The following ZNF589 variants were observed in gnomAD, a reference collection of about 807,000 sequenced individuals.
ZNF589 encodes the protein zinc finger protein 589.
Under a neutral mutation model 13.6 loss-of-function variants are expected in ZNF589, and 17 were observed. The ratio of observed to expected loss-of-function variants is 1.25; its 90% CI spans 0.86 to 1.88. The LOEUF is 1.88. Ranked by LOEUF, ZNF589 falls within the 40% of genes most tolerant of loss-of-function variation. The pLI is 0.00. For missense variants in ZNF589, 407 were observed against 434.0 expected, an observed-to-expected ratio of 0.94 and a Z score of 0.55; for synonymous variants, 148 against 161.6, an observed-to-expected ratio of 0.92 and a Z score of 0.64.
In ZNF589 at chr3:48,268,227, G is replaced by T. The variant is rs778327070; in HGVS notation, c.536G>T (p.Trp179Leu). The change falls in exon 4 of 4, where the codon TGG becomes TTG. Residue 179 changes from tryptophan (W) to leucine (L), a missense_variant. Physicochemically the swap from Trp to Leu is moderately conservative, Grantham distance 61 (BLOSUM62 -2). Coordinates refer to ENST00000354698, the MANE Select transcript of ZNF589 (RefSeq NM_016089.3). ...TTCCAGAGACCACCAATAAGCTCTTGGGGAGGCAACAGAATATTAGAGATA... is the reference window on the plus strand; with the variant it reads ...TTCCAGAGACCACCAATAAGCTCTTTGGGAGGCAACAGAATATTAGAGATA... ...SLFQRPPISS[W>L]GGNRILEIQL... 4.4e-6 allele frequency: 7 copies of T among 1,605,986 alleles called. No individual in the cohort carries two copies. The Admixed American group carries it at 1.2e-4, about 27-fold the overall frequency.
rs371763958 is a variant in ZNF589 at position 48,251,102 on chromosome 3, C to T, written c.96+3425C>T. Among the ~76,000 whole-genome samples, 87 of 152,214 alleles carry T rather than the reference C, an allele frequency of 5.7e-4. No homozygotes were observed. The Middle Eastern group carries it at 0.031, about 54-fold the overall frequency. ...TCTCCAAGACCACCAGTTCCATTCT[C>T]CCTGTGAATCTTAATGGTGACTTGA... is the stretch of plus-strand genomic sequence containing the variant. On this transcript the variant is annotated intron_variant, in intron 2 of 3. Transcript: ENST00000354698.
intron 3 of ZNF589, among the ~76,000 whole-genome samples, chr3:48,266,927 C>G (rs866639900): frequency 6.6e-6 from 1 of 152,094 alleles, no homozygotes; most frequent in Non-Finnish European, 1.5e-5. Context: ...ATGACCTATA[C>G]GGGAATGCTC....
chr3:48,247,473 C>A, intron 1 of ZNF589, 152 bp from the exon 2 acceptor site: 1 of 650,144 alleles, frequency 1.5e-6, no homozygotes, highest in Non-Finnish European at 2.7e-6. Context: ...GAGAAGTTGA[C>A]TCAAGCATAA....
At chr3:48,255,027 A>G (rs1387945084) in intron 2 of ZNF589, among the ~76,000 whole-genome samples, 1 of 152,128 alleles carries the variant, frequency 6.6e-6, no homozygotes, top group Non-Finnish European at 1.5e-5. Context: ...AGGAGTGGTG[A>G]GAGAAGACAT....
chr3:48,269,886 G>T lies in ZNF589; in HGVS notation c.*1100G>T, dbSNP rs972920083. 5 of 372,086 alleles carry T rather than the reference G, an allele frequency of 1.3e-5. No individual in the cohort carries two copies. Among genetic ancestry groups the T allele is most frequent in the African/African-American group, 1.1e-4 (5 of 47,106 alleles). 23.0% of individuals were successfully genotyped at this position (372,086 alleles called of 1,614,324 possible). A position where few individuals can be genotyped will look rare whatever the true frequency, so the allele number is the denominator to read the frequency against. ...AGTGAGAGTAAGGTGTTGGCTGGAAGTGGCCCCTTAAGAGATACTTGGAGT... is the reference window on the plus strand; with the variant it reads ...AGTGAGAGTAAGGTGTTGGCTGGAATTGGCCCCTTAAGAGATACTTGGAGT... On this transcript the variant is annotated 3_prime_UTR_variant, in exon 4 of 4. Transcript: ENST00000354698.
intron 3 of ZNF589, among the ~76,000 whole-genome samples, chr3:48,262,627 C>G (rs2033979514): frequency 6.9e-6 from 1 of 144,722 alleles, no homozygotes; most frequent in African/African-American, 2.6e-5. Context: ...AAATTTGAAT[C>G]AGGATTCAGA....
chr3:48,242,129 G>A (rs2033705741), intron 1 of ZNF589, among the ~76,000 whole-genome samples: 1 of 147,350 alleles, frequency 6.8e-6, no homozygotes, highest in Non-Finnish European at 1.5e-5. Flanking sequence ...CTTTTTTTTT[G>A]GAGACAGAGT....
At chr3:48,260,111 A>G (rs748046428) in intron 2 of ZNF589, among the ~76,000 whole-genome samples, 1 of 152,092 alleles carries the variant, frequency 6.6e-6, no homozygotes, top group Non-Finnish European at 1.5e-5. Flanking sequence ...CATTTAGAAG[A>G]GAAGAGACTT....
intron 1 of ZNF589, 87 bp from the exon 2 acceptor site, chr3:48,247,538 C>T (rs949255924): frequency 2.4e-5 from 36 of 1,509,628 alleles, no homozygotes; most frequent in Non-Finnish European, 3.0e-5. Flanking sequence ...CTCAGGTGGC[C>T]ACAGCCAAGG....
intron 2 of ZNF589, 66 bp from the exon 3 acceptor site, chr3:48,260,747 C>T: frequency 6.2e-7 from 1 of 1,608,126 alleles, no homozygotes; most frequent in Non-Finnish European, 8.5e-7. Flanking sequence ...TCCAAGACCA[C>T]CAGTTCCATT....
intron 3 of ZNF589, among the ~76,000 whole-genome samples, chr3:48,265,174 A>G (rs943556209): frequency 7.3e-6 from 1 of 136,200 alleles, no homozygotes; most frequent in African/African-American, 2.8e-5. Flanking sequence ...GTTTCGCCAT[A>G]TTTGCCAGGC....
chr3:48,249,966 A>G (rs1026126541), intron 2 of ZNF589, among the ~76,000 whole-genome samples: 1 of 152,118 alleles, frequency 6.6e-6, no homozygotes, highest in East Asian at 1.9e-4. Flanking sequence ...CATCACTACT[A>G]AAAATACAAA....
intron 2 of ZNF589, among the ~76,000 whole-genome samples, chr3:48,255,182 T>G (rs1352143714): frequency 6.6e-6 from 1 of 150,376 alleles, no homozygotes; most frequent in Non-Finnish European, 1.5e-5. Flanking sequence ...ATTACTTCTT[T>G]TTTTTTTTTT....
rs577453669 is a variant in ZNF589, at chr3:48,241,161, T to G, written c.-11T>G. On this transcript the variant is annotated 5_prime_UTR_variant, in exon 1 of 4. Transcript: ENST00000354698. ...CTACCTCGTTTGCTTCGTGCGTGCGTGCGCGCGCAGATGTGGGCCCCGCGG... is the reference window on the plus strand; with the variant it reads ...CTACCTCGTTTGCTTCGTGCGTGCGGGCGCGCGCAGATGTGGGCCCCGCGG... 2 of 1,613,276 alleles carry G rather than the reference T, an allele frequency of 1.2e-6. No individual in the cohort carries two copies. The highest frequency in any genetic ancestry group is 8.5e-7 in the Non-Finnish European group (1 of 1,179,730).
chr3:48,251,992 T>G (rs1425335342), intron 2 of ZNF589, among the ~76,000 whole-genome samples: 1 of 151,760 alleles, frequency 6.6e-6, no homozygotes, highest in Non-Finnish European at 1.5e-5. Flanking sequence ...TGAGCCATGT[T>G]CACACCACTG....
rs549135072 is a variant in ZNF589 at position 48,270,142 on chromosome 3, C to T, written c.*1356C>T. ...CACTCTCCTGCTTTATTTTTTTCTACATCTCTAGCCTTTGCTGTTTCCTCT... is the reference window on the plus strand; with the variant it reads ...CACTCTCCTGCTTTATTTTTTTCTATATCTCTAGCCTTTGCTGTTTCCTCT... On this transcript the variant is annotated 3_prime_UTR_variant, in exon 4 of 4. Coordinates refer to ENST00000354698, the MANE Select transcript of ZNF589 (RefSeq NM_016089.3). The T allele has an allele frequency of 2.2e-6, 1 of 456,940 alleles. No individual in the cohort carries two copies. Among genetic ancestry groups the T allele is most frequent in the Admixed American group, 2.3e-5 (1 of 42,580 alleles). The allele number at this position is 456,940 out of a possible 1,614,324, so 28.3% of individuals were successfully genotyped here.
At chr3:48,250,499 T>A (rs2033825984) in intron 2 of ZNF589, among the ~76,000 whole-genome samples, 1 of 151,472 alleles carries the variant, frequency 6.6e-6, no homozygotes, top group Admixed American at 6.6e-5. Flanking sequence ...TGAGACAGAA[T>A]CTCCCTCTGT....
At chr3:48,257,741 A>T (rs1336992948) in intron 2 of ZNF589, among the ~76,000 whole-genome samples, 1 of 151,980 alleles carries the variant, frequency 6.6e-6, no homozygotes. Flanking sequence ...TGTTTTTAAT[A>T]AAGTGTGAGG....
chr3:48,246,317 A>G (rs979332827), intron 1 of ZNF589, among the ~76,000 whole-genome samples: 33 of 152,066 alleles, frequency 2.2e-4, no homozygotes, highest in African/African-American at 8.0e-4. Context: ...TCAATCAATC[A>G]ATCAATCAGT....
Sources: gnomAD v4.1 joint callset for allele counts (sites outside exome capture counted in the v4.1 genomes callset) on GRCh38, gnomAD v4.1.1 for gene constraint, MANE v1.5 for transcripts, NCBI Gene and HGNC (gene_info 2026-07-23, HGNC 2026-07-21) for gene names.